Variants in ESR1 observed in about 807,000 individuals in gnomAD.
ESR1 encodes estrogen receptor.
Under a neutral mutation model 52.7 loss-of-function variants are expected in ESR1, and 12 were observed. That is an observed-to-expected ratio of 0.23 (90% CI 0.15 to 0.37). The LOEUF is 0.37. Ranked by LOEUF, ESR1 falls within the 10% of genes least tolerant of loss-of-function variation. The pLI is 1.00. For missense variants in ESR1, 584 were observed against 779.7 expected (o/e 0.75, Z 2.99); for synonymous variants, 305 against 316.8 (o/e 0.96, Z 0.39).
intron 5 of ESR1, among the ~76,000 whole-genome samples, chr6:152,021,938 G>A (rs950331731): frequency 7.9e-5 from 12 of 152,094 alleles, no homozygotes; most frequent in Non-Finnish European, 1.6e-4. Context: ...TGATTGTGAG[G>A]CCTCCCCAGC....
At chr6:152,027,375 A>G (rs2044244862) in intron 5 of ESR1, among the ~76,000 whole-genome samples, 1 of 152,212 alleles carries the variant, frequency 6.6e-6, no homozygotes, top group Admixed American at 6.5e-5. Flanking sequence ...TCTATTATTA[A>G]GATATTTAAT....
intron 1 of ESR1, among the ~76,000 whole-genome samples, chr6:151,674,985 A>G (rs1159877904): frequency 1.3e-5 from 2 of 152,266 alleles, no homozygotes; most frequent in Non-Finnish European, 2.9e-5. Context: ...TTTCAATCAT[A>G]GCAGTGGAAT....
At chr6:151,657,598 T>A (rs917645750) in intron 1 of ESR1, among the ~76,000 whole-genome samples, 6 of 152,194 alleles carry the variant, frequency 3.9e-5, no homozygotes, top group African/African-American at 1.4e-4. Context: ...ATTTTCCATA[T>A]CACTGGTGAA....
rs66502837 is a variant in ESR1, at chr6:151,849,978, T to TTATA, written c.643+7216_643+7219dup. Among the ~76,000 whole-genome samples the TTATA allele has an allele frequency of 5.9e-3, 499 of 84,108 alleles. 4 individuals are homozygous for TTATA. Among genetic ancestry groups the TTATA allele is most frequent in the African/African-American group, 0.02 (404 of 20,212 alleles). 55.2% of individuals were successfully genotyped at this position (84,108 alleles called of 152,430 possible). ...TCTTTCCACCTAGTTTCCTAGGGAA[T>TTATA]TATATATATATATATATATATATAT... On this transcript the variant is annotated intron_variant, in intron 2 of 7. Coordinates refer to ENST00000206249, the MANE Select transcript of ESR1 (RefSeq NM_000125.4).
intron 3 of ESR1, among the ~76,000 whole-genome samples, chr6:151,933,196 A>G (rs2033910733): frequency 6.7e-6 from 1 of 150,200 alleles, no homozygotes. Flanking sequence ...ATTCCTAGGT[A>G]TTTTATTCTC....
At chr6:151,737,715 T>C (rs930364133) in intron 2 of ESR1, among the ~76,000 whole-genome samples, 4 of 152,118 alleles carry the variant, frequency 2.6e-5, no homozygotes, top group Non-Finnish European at 4.4e-5. Flanking sequence ...ATTATGCATA[T>C]ACAAGCAAAG....
chr6:151,752,469 T>C (rs1310109761), intron 2 of ESR1, among the ~76,000 whole-genome samples: 1 of 109,320 alleles, frequency 9.1e-6, no homozygotes, highest in Non-Finnish European at 1.6e-5. Flanking sequence ...CTGCAACTGC[T>C]TTTTTTTTTT....
chr6:151,972,983 G>T (rs748720126), intron 4 of ESR1, among the ~76,000 whole-genome samples: 2 of 152,152 alleles, frequency 1.3e-5, no homozygotes, highest in Non-Finnish European at 2.9e-5. Context: ...GTCTTTCCAT[G>T]TTCTTCTGCC....
intron 3 of ESR1, among the ~76,000 whole-genome samples, chr6:151,936,955 G>A (rs1289090424): frequency 6.6e-6 from 1 of 152,118 alleles, no homozygotes; most frequent in Non-Finnish European, 1.5e-5. Context: ...ATAAAATGGG[G>A]TGTTAATTTG....
At chr6:151,665,227 A>G (rs1230758163) in intron 1 of ESR1, among the ~76,000 whole-genome samples, 3 of 152,134 alleles carry the variant, frequency 2.0e-5, no homozygotes, top group African/African-American at 7.2e-5. Flanking sequence ...CTGGCTCGAG[A>G]GACTTCCATT....
chr6:151,855,023 C>T (rs1361488012), intron 2 of ESR1, among the ~76,000 whole-genome samples: 1 of 152,188 alleles, frequency 6.6e-6, no homozygotes, highest in Non-Finnish European at 1.5e-5. Context: ...AAGCGATTCT[C>T]CTGCCTCAGC....
chr6:151,840,492 C>T (rs1784120069), intron 1 of ESR1, among the ~76,000 whole-genome samples: 1 of 152,210 alleles, frequency 6.6e-6, no homozygotes, highest in Non-Finnish European at 1.5e-5. Context: ...GTCAGACGTA[C>T]TCAACCCAAG....
intron 1 of ESR1, among the ~76,000 whole-genome samples, chr6:151,676,638 T>C (rs1356065796): frequency 3.9e-5 from 6 of 152,204 alleles, no homozygotes; most frequent in Non-Finnish European, 7.3e-5. Flanking sequence ...ACCCAACACA[T>C]GGGCAGCCTT....
At chr6:152,077,827 C>T (rs887949212) in intron 6 of ESR1, among the ~76,000 whole-genome samples, 10 of 152,098 alleles carry the variant, frequency 6.6e-5, no homozygotes, top group East Asian at 1.9e-4. Context: ...TGCCTAAACC[C>T]GCATTGTATC....
At chr6:152,106,088 C>T (rs9479225), downstream of ESR1, among the ~76,000 whole-genome samples, 1,175 of 152,186 alleles carry the variant, frequency 7.7e-3, 20 homozygotes, top group African/African-American at 0.027. Flanking sequence ...CCACCGCGCC[C>T]GGCCTCAGTA....
At chr6:151,851,342 A>T (rs1170719373) in intron 2 of ESR1, among the ~76,000 whole-genome samples, 1 of 152,052 alleles carries the variant, frequency 6.6e-6, no homozygotes, top group Non-Finnish European at 1.5e-5. Flanking sequence ...ATTCCATTGT[A>T]TTGCATATAT....
At chr6:151,771,630 A>G (rs1386131780) in intron 2 of ESR1, among the ~76,000 whole-genome samples, 1 of 152,256 alleles carries the variant, frequency 6.6e-6, no homozygotes, top group Non-Finnish European at 1.5e-5. Context: ...CAAATGTCAA[A>G]TAGATCCTAT....
intron 3 of ESR1, among the ~76,000 whole-genome samples, chr6:151,888,163 T>C (rs988324773): frequency 2.0e-5 from 3 of 152,104 alleles, no homozygotes; most frequent in Non-Finnish European, 4.4e-5. Context: ...TTTTTGTGGT[T>C]CCATACAAAT....
chr6:152,051,466 A>G (rs556204223), intron 5 of ESR1, among the ~76,000 whole-genome samples: 42 of 152,322 alleles, frequency 2.8e-4, no homozygotes, highest in African/African-American at 9.9e-4. Flanking sequence ...TTTAGACATC[A>G]ACAGAATTGA....
Sources: allele counts gnomAD v4.1 joint callset (sites outside exome capture counted in the v4.1 genomes callset), GRCh38; gene constraint gnomAD v4.1.1; transcripts MANE v1.5; gene names NCBI Gene and HGNC (gene_info 2026-07-23, HGNC 2026-07-21).